Variants in NWD1 observed in about 807,000 individuals in gnomAD.
NWD1 encodes the protein NACHT domain- and WD repeat-containing protein 1.
A neutral mutation model predicts 135.1 loss-of-function variants in NWD1; 129 were observed. The observed-to-expected ratio is 0.96, with a 90% CI of 0.83 to 1.11. The LOEUF (loss-of-function observed/expected upper bound fraction) is 1.11. Ranked by LOEUF, NWD1 falls within the 50% of genes least tolerant of loss-of-function variation. The pLI, the probability that NWD1 is intolerant of heterozygous loss-of-function variation, is 0.00. For synonymous variants in NWD1, 773 were observed against 786.0 expected (o/e 0.98, Z 0.28); for missense variants, 1,740 against 1,851.3 (o/e 0.94, Z 1.10).
chr19:16,807,368 T>C (rs1970780201), intron 17 of NWD1, among the ~76,000 whole-genome samples: 1 of 151,622 alleles, frequency 6.6e-6, no homozygotes, highest in South Asian at 2.1e-4. Flanking sequence ...TGGCACACAC[T>C]TGTAATCCCA....
chr19:16,807,902 C>T lies in NWD1; in HGVS notation c.4053C>T (p.Leu1351=). Residue 1351 remains leucine, a synonymous_variant, in exon 18 of 19, where the codon CTC becomes CTT. Coordinates refer to ENST00000524140, the MANE Select transcript of NWD1 (RefSeq NM_001007525.5). ...YTFYTQLPET[L]SSVAILTDYR... ...TTTACACTCAGCTGCCCGAGACCCT[C>T]TCCAGCGTGGCCATTCTGACGGACT... is the stretch of plus-strand genomic sequence containing the variant. The T allele has an allele frequency of 6.2e-7, 1 of 1,614,206 alleles. No individual in the cohort carries two copies. The highest frequency in any genetic ancestry group is 8.5e-7 in the Non-Finnish European group (1 of 1,180,042).
chr19:16,807,795 A>G lies in NWD1; in HGVS notation c.3946A>G (p.Ile1316Val), dbSNP rs889262435. The G allele has an allele frequency of 6.2e-7, 1 of 1,613,980 alleles. No individual in the cohort carries two copies. The highest frequency in any genetic ancestry group is 8.5e-7 in the Non-Finnish European group (1 of 1,179,892). Residue 1316 changes from isoleucine to valine, a missense_variant, in exon 18 of 19, where the codon ATC (isoleucine) becomes GTC (valine). Physicochemically the swap from Ile to Val is conservative, Grantham distance 29 (BLOSUM62 3). Transcript: ENST00000524140. ...SLSKCEDRLA[I>V]AYDNIVLVLD... ...GAGCAAGTGCGAGGACCGCCTGGCC[A>G]TCGCCTATGACAACATCGTCCTGGT... is the stretch of plus-strand genomic sequence containing the variant.
At position 16,815,604 on chromosome 19, in the gene NWD1, G is replaced by A; in HGVS notation, c.*565G>A. The A allele has an allele frequency of 2.5e-6, 1 of 393,320 alleles. No individual in the cohort carries two copies. The highest frequency in any genetic ancestry group is 4.6e-6 in the Non-Finnish European group (1 of 216,594). 24.4% of individuals were successfully genotyped at this position (393,320 alleles called of 1,614,324 possible). ...AAAAGAGAGCTTCTCTTTCCCAACA[G>A]TCCTAGCCTCAACTCTACTGGTCCC... On this transcript the variant is annotated 3_prime_UTR_variant, in exon 19 of 19. Coordinates refer to ENST00000524140, the MANE Select transcript of NWD1 (RefSeq NM_001007525.5).
chr19:16,792,767 C>T (rs1349233839), intron 14 of NWD1, among the ~76,000 whole-genome samples: 1 of 150,960 alleles, frequency 6.6e-6, no homozygotes, highest in African/African-American at 2.4e-5. Context: ...ATCCCTGCTA[C>T]TAGGGAGGCT....
chr19:16,760,402 G>A (rs955937250), intron 7 of NWD1, among the ~76,000 whole-genome samples: 2 of 151,438 alleles, frequency 1.3e-5, no homozygotes, highest in Non-Finnish European at 2.9e-5. Context: ...GGAACTACAG[G>A]CATGCACCAC....
chr19:16,740,145 G>C lies in NWD1; in HGVS notation c.198+3395G>C, dbSNP rs533809774. 9.8e-4 allele frequency among the ~76,000 whole-genome samples: 147 copies of C among 150,338 alleles called. 1 individual carries two copies. The highest frequency in any genetic ancestry group is 3.4e-3 in the Middle Eastern group (1 of 294). Reference sequence around the variant, plus strand: ...GGCCCCATCTCTAAAAAAAAAAAAAGAACAGTTAGCTGGGGTGGTGGCTCA... The same window carrying C: ...GGCCCCATCTCTAAAAAAAAAAAAACAACAGTTAGCTGGGGTGGTGGCTCA... On this transcript the variant is annotated intron_variant, in intron 4 of 18. Coordinates refer to ENST00000524140, the MANE Select transcript of NWD1 (RefSeq NM_001007525.5).
At chr19:16,742,881 CTATTATTATTATTAT>C (rs34646876) in intron 4 of NWD1, among the ~76,000 whole-genome samples, 79 of 132,952 alleles carry the variant, frequency 5.9e-4, no homozygotes, top group East Asian at 1.8e-3. Flanking sequence ...ACTATGTTGC[CTATTATTATTATTAT>C]TATTATTATT....
intron 2 of NWD1, among the ~76,000 whole-genome samples, chr19:16,729,884 G>T (rs1967486108): frequency 6.8e-6 from 1 of 147,950 alleles, no homozygotes; most frequent in Non-Finnish European, 1.5e-5. Flanking sequence ...TAAAAAAAGA[G>T]AAAAGAAAAG....
rs567204486 is a variant in NWD1, at chr19:16,737,532, C to T, written c.198+782C>T. ...TTGGCCTCCCAAAGTTCTGGGATTACAGGCATAAGCCAATGCACCTGGTCT... is the reference window on the plus strand; with the variant it reads ...TTGGCCTCCCAAAGTTCTGGGATTATAGGCATAAGCCAATGCACCTGGTCT... On this transcript the variant is annotated intron_variant, in intron 4 of 18. Transcript: ENST00000524140. Among the ~76,000 whole-genome samples, 5 of 150,194 alleles carry T rather than the reference C, an allele frequency of 3.3e-5. No individual in the cohort carries two copies. In the East Asian group the frequency reaches 1.0e-3, roughly 30 times the overall value.
In NWD1 at chr19:16,749,877, G is replaced by T; in HGVS notation, c.1235G>T (p.Arg412Met). 1 of 1,613,396 alleles carries T rather than the reference G, an allele frequency of 6.2e-7. No individual in the cohort carries two copies. The highest frequency in any genetic ancestry group is 1.3e-5 in the African/African-American group (1 of 75,048). Residue 412 changes from arginine (R) to methionine (M), a missense_variant, in exon 6 of 19, where the codon AGG (arginine) becomes ATG (methionine). By Grantham distance (91) the Arg-to-Met change is moderately conservative (BLOSUM62 -1). Coordinates refer to ENST00000524140, the MANE Select transcript of NWD1 (RefSeq NM_001007525.5). ...GCCCAGGTTCTGGACGCCCACACCA[G>T]GGTGGTCCAGTTTTTCCATACCCTC... ...PPAQVLDAHT[R>M]VVQFFHTLLH...
chr19:16,749,047 C>A, intron 5 of NWD1, 92 bp from the exon 6 acceptor site: 4 of 949,408 alleles, frequency 4.2e-6, no homozygotes, highest in Non-Finnish European at 6.4e-6. Context: ...CAATGCACAT[C>A]CCCCAACAAC....
chr19:16,815,537 G>A lies in NWD1; in HGVS notation c.*498G>A. On this transcript the variant is annotated 3_prime_UTR_variant, in exon 19 of 19. Transcript: ENST00000524140. ...TCTCAGACTTGCCACCCCCAGGTTAGCAACATGGTGGCCAATATGCTGCTG... is the reference window on the plus strand; with the variant it reads ...TCTCAGACTTGCCACCCCCAGGTTAACAACATGGTGGCCAATATGCTGCTG... 1 of 532,826 alleles carries A rather than the reference G, an allele frequency of 1.9e-6. No individual in the cohort carries two copies. Among genetic ancestry groups the A allele is most frequent in the Non-Finnish European group, 3.3e-6 (1 of 301,540 alleles). The allele number at this position is 532,826 out of a possible 1,614,324, so 33.0% of individuals were successfully genotyped here.
At position 16,762,037 on chromosome 19, in the gene NWD1, C is replaced by A; in HGVS notation, c.2032C>A (p.His678Asn). The change falls in exon 8 of 19, where the codon CAT becomes AAT. Residue 678 changes from histidine (H) to asparagine (N), a missense_variant. Physicochemically the swap from His to Asn is moderately conservative, Grantham distance 68. Transcript: ENST00000524140. ...GTCAGGATCCGAGAGAGCCAAGAGG[C>A]ATGGCGTCCTGGCCGACTTCTTCTC... ...YLSGSERAKR[H>N]GVLADFFSGT... 1.2e-6 allele frequency: 2 copies of A among 1,614,066 alleles called. No homozygotes were observed. Among genetic ancestry groups the A allele is most frequent in the Non-Finnish European group, 1.7e-6 (2 of 1,179,956 alleles).
intron 16 of NWD1, among the ~76,000 whole-genome samples, chr19:16,799,569 C>G (rs757224904): frequency 6.6e-6 from 1 of 152,000 alleles, no homozygotes; most frequent in Non-Finnish European, 1.5e-5. Context: ...TGCAATGGCA[C>G]GATCTTGGCT....
chr19:16,722,331 C>A (rs1170537250), intron 1 of NWD1, among the ~76,000 whole-genome samples: 1 of 150,724 alleles, frequency 6.6e-6, no homozygotes, highest in Non-Finnish European at 1.5e-5. Context: ...CTCTGTCACC[C>A]AGGATGGAGT....
intron 6 of NWD1, among the ~76,000 whole-genome samples, chr19:16,756,847 A>G (rs1968818471): frequency 6.6e-6 from 1 of 151,982 alleles, no homozygotes; most frequent in Admixed American, 6.6e-5. Context: ...CACTCCCATT[A>G]CCACCCGAGC....
intron 12 of NWD1, among the ~76,000 whole-genome samples, chr19:16,786,460 C>T (rs1970044333): frequency 6.6e-6 from 1 of 152,008 alleles, no homozygotes; most frequent in Non-Finnish European, 1.5e-5. Flanking sequence ...AGCATGGTAC[C>T]CAAGAGGAAT....
chr19:16,761,197 C>T (rs1349761834), intron 7 of NWD1, among the ~76,000 whole-genome samples: 1 of 152,132 alleles, frequency 6.6e-6, no homozygotes, highest in African/African-American at 2.4e-5. Flanking sequence ...TCAGTGCTTC[C>T]TTCCTTTTCA....
At chr19:16,756,424 C>T (rs1003744977) in intron 6 of NWD1, among the ~76,000 whole-genome samples, 2 of 152,018 alleles carry the variant, frequency 1.3e-5, no homozygotes, top group Non-Finnish European at 2.9e-5. Context: ...ACAGCACAGG[C>T]GGAAGAAAAT....
Sources: gnomAD v4.1 joint callset for allele counts (sites outside exome capture counted in the v4.1 genomes callset) on GRCh38, gnomAD v4.1.1 for gene constraint, MANE v1.5 for transcripts, NCBI Gene and HGNC (gene_info 2026-07-23, HGNC 2026-07-21) for gene names.